Variants in ITGBL1 observed in about 807,000 individuals in gnomAD.
ITGBL1 encodes integrin beta-like protein 1.
Under a neutral mutation model 68.5 loss-of-function variants are expected in ITGBL1, and 51 were observed. The ratio of observed to expected loss-of-function variants is 0.74; its 90% CI spans 0.59 to 0.94. The LOEUF (loss-of-function observed/expected upper bound fraction) is 0.94, where lower values mean the gene tolerates loss of function less well. Among genes scored for constraint, ITGBL1 ranks in the 40% least tolerant of loss-of-function variants. ITGBL1 has a pLI of 0.00. For synonymous variants in ITGBL1, 209 were observed against 227.3 expected, an observed-to-expected ratio of 0.92 and a Z score of 0.72; for missense variants, 649 against 647.4, an observed-to-expected ratio of 1.00 and a Z score of -0.03.
At chr13:101,565,861 G>A (rs2050175884) in intron 2 of ITGBL1, among the ~76,000 whole-genome samples, 1 of 151,910 alleles carries the variant, frequency 6.6e-6, no homozygotes, top group Non-Finnish European at 1.5e-5. Context: ...TTCTATTGAT[G>A]CGTCATTGGG....
intron 7 of ITGBL1, among the ~76,000 whole-genome samples, chr13:101,619,993 AT>A (rs1169039006): frequency 6.6e-6 from 1 of 152,158 alleles, no homozygotes; most frequent in Non-Finnish European, 1.5e-5. Flanking sequence ...ATGTTGTAAT[AT>A]AATCTTGGTA....
At chr13:101,674,851 C>T (rs2033462773) in intron 7 of ITGBL1, among the ~76,000 whole-genome samples, 1 of 151,958 alleles carries the variant, frequency 6.6e-6, no homozygotes, top group South Asian at 2.1e-4. Flanking sequence ...AATTTTTTCA[C>T]TTAGATTTAC....
At chr13:101,626,721 A>G (rs2031791513) in intron 7 of ITGBL1, among the ~76,000 whole-genome samples, 1 of 152,220 alleles carries the variant, frequency 6.6e-6, no homozygotes, top group Admixed American at 6.5e-5. Context: ...GAGAAAATCT[A>G]ATCAGTAGAT....
At chr13:101,692,208 C>T (rs2033896512) in intron 7 of ITGBL1, among the ~76,000 whole-genome samples, 1 of 151,930 alleles carries the variant, frequency 6.6e-6, no homozygotes, top group South Asian at 2.1e-4. Flanking sequence ...AAAATGGCCA[C>T]ATCATACTAA....
intron 6 of ITGBL1, among the ~76,000 whole-genome samples, chr13:101,592,489 T>C (rs2050671694): frequency 6.6e-6 from 1 of 152,040 alleles, no homozygotes; most frequent in Non-Finnish European, 1.5e-5. Context: ...CTGTAAAACA[T>C]TGATGAGAGA....
intron 7 of ITGBL1, among the ~76,000 whole-genome samples, chr13:101,602,521 A>G (rs1316401387): frequency 1.3e-5 from 2 of 152,064 alleles, no homozygotes; most frequent in Non-Finnish European, 2.9e-5. Context: ...CTTCACTTGA[A>G]CATTAGATCA....
chr13:101,533,523 G>T (rs1180463927), intron 2 of ITGBL1, among the ~76,000 whole-genome samples: 1 of 152,214 alleles, frequency 6.6e-6, no homozygotes, highest in Non-Finnish European at 1.5e-5. Flanking sequence ...CATTCATTGA[G>T]ATACGTAATC....
At chr13:101,679,548 TGG>T (rs2033591145) in intron 7 of ITGBL1, among the ~76,000 whole-genome samples, 6 of 152,366 alleles carry the variant, frequency 3.9e-5, no homozygotes, top group African/African-American at 1.4e-4. Flanking sequence ...TGGACTACAC[TGG>T]TTAAGAACTT....
chr13:101,699,004 C>G (rs938081077), intron 8 of ITGBL1, among the ~76,000 whole-genome samples: 13 of 152,166 alleles, frequency 8.5e-5, no homozygotes, highest in African/African-American at 3.1e-4. Flanking sequence ...TTCTCTAGTT[C>G]ATCGCTGCAA....
intron 7 of ITGBL1, among the ~76,000 whole-genome samples, chr13:101,630,879 AT>A (rs1165455395): frequency 2.0e-5 from 3 of 152,158 alleles, no homozygotes; most frequent in Non-Finnish European, 4.4e-5. Flanking sequence ...TTGGAGCTAT[AT>A]CTTTTACTGC....
chr13:101,633,483 A>G (rs922326005), intron 7 of ITGBL1, among the ~76,000 whole-genome samples: 12 of 152,160 alleles, frequency 7.9e-5, no homozygotes, highest in Admixed American at 1.3e-4. Context: ...CCATCCATGC[A>G]TGTTGCCCTG....
chr13:101,606,007 T>G (rs71441515), intron 7 of ITGBL1, among the ~76,000 whole-genome samples: 12,601 of 146,004 alleles, frequency 0.086, 892 homozygotes, highest in African/African-American at 0.19. Flanking sequence ...TATATACACA[T>G]ATATATGTAT....
At chr13:101,539,486 A>C (rs1370262940) in intron 2 of ITGBL1, among the ~76,000 whole-genome samples, 1 of 152,004 alleles carries the variant, frequency 6.6e-6, no homozygotes, top group East Asian at 1.9e-4. Context: ...AGTCTTTGCT[A>C]TTGTCAGTAG....
At chr13:101,671,073 A>G (rs561206932) in intron 7 of ITGBL1, among the ~76,000 whole-genome samples, 113 of 152,274 alleles carry the variant, frequency 7.4e-4, no homozygotes, top group African/African-American at 2.6e-3. Flanking sequence ...AATCTTTGTC[A>G]TCTACTGTTA....
chr13:101,513,158 A>G (rs2049142481), intron 2 of ITGBL1, among the ~76,000 whole-genome samples: 1 of 152,122 alleles, frequency 6.6e-6, no homozygotes, highest in South Asian at 2.1e-4. Flanking sequence ...ATGGGTTTGT[A>G]TAATTCCTTT....
At chr13:101,596,004 G>A (rs1232946041) in intron 6 of ITGBL1, among the ~76,000 whole-genome samples, 1 of 151,872 alleles carries the variant, frequency 6.6e-6, no homozygotes. Context: ...GTAACATGAT[G>A]TTTTGATATG....
chr13:101,706,107 T>TA (rs1257440812), intron 8 of ITGBL1, among the ~76,000 whole-genome samples: 1 of 152,154 alleles, frequency 6.6e-6, no homozygotes, highest in Non-Finnish European at 1.5e-5. Flanking sequence ...AAATACAATG[T>TA]TACATATATA....
At chr13:101,576,463 T>C (rs2050360785) in intron 4 of ITGBL1, among the ~76,000 whole-genome samples, 1 of 152,148 alleles carries the variant, frequency 6.6e-6, no homozygotes, top group Admixed American at 6.6e-5. Context: ...GAGAGAATCA[T>C]TTGGTTTAGG....
At chr13:101,511,261 G>T (rs1450619900) in intron 2 of ITGBL1, among the ~76,000 whole-genome samples, 1 of 152,052 alleles carries the variant, frequency 6.6e-6, no homozygotes, top group Admixed American at 6.6e-5. Flanking sequence ...GAAAGTATGG[G>T]TTCACCTATT....
Sources: gnomAD v4.1 joint callset for allele counts (sites outside exome capture counted in the v4.1 genomes callset) on GRCh38, gnomAD v4.1.1 for gene constraint, MANE v1.5 for transcripts, NCBI Gene and HGNC (gene_info 2026-07-23, HGNC 2026-07-21) for gene names.